Variants in KCNK9 observed in about 807,000 individuals in gnomAD.
KCNK9 encodes the protein potassium two pore domain channel subfamily K member 9.
In KCNK9, 1 loss-of-function variant was observed where a neutral mutation model predicts 10.8. That is an observed-to-expected ratio of 0.09 (90% CI 0.03 to 0.44). KCNK9 has a LOEUF of 0.44. Ranked by LOEUF, KCNK9 falls within the 20% of genes least tolerant of loss-of-function variation. The pLI is 0.97. For missense variants in KCNK9, 303 were observed against 515.0 expected (o/e 0.59, Z 3.98); for synonymous variants, 231 against 222.7 (o/e 1.04, Z -0.33).
At chr8:139,671,715 G>A (rs1816431420) in intron 1 of KCNK9, among the ~76,000 whole-genome samples, 1 of 151,932 alleles carries the variant, frequency 6.6e-6, no homozygotes, top group South Asian at 2.1e-4. Flanking sequence ...GAATGTAATT[G>A]TTTTTTGTAT....
At chr8:139,605,183 G>GC (rs1263473180) in intron 2 of KCNK9, among the ~76,000 whole-genome samples, 1 of 152,204 alleles carries the variant, frequency 6.6e-6, no homozygotes, top group Non-Finnish European at 1.5e-5. Flanking sequence ...GTGGAAAAGG[G>GC]CAGCATGGTT....
chr8:139,619,093 C>A lies in KCNK9; in HGVS notation c.290G>T (p.Gly97Val). ...CGCATCGGTGCCAGGTGCAGCGTGC[C>A]CATAACCTGTGGGAAGGGGATGAGA... ...AITVITTIGY[G>V]HAAPGTDAGK... Residue 97 changes from glycine to valine, a missense_variant, in exon 2 of 2, where the codon GGG becomes GTG. Physicochemically the swap from Gly to Val is moderately radical, Grantham distance 109. Coordinates refer to ENST00000520439, the MANE Select transcript of KCNK9 (RefSeq NM_001282534.2). 6.2e-7 allele frequency: 1 copy of A among 1,613,892 alleles called. No homozygotes were observed. Among genetic ancestry groups the A allele is most frequent in the Non-Finnish European group, 8.5e-7 (1 of 1,179,978 alleles).
intron 1 of KCNK9, among the ~76,000 whole-genome samples, chr8:139,694,724 C>T (rs35617511): frequency 1.3e-5 from 2 of 152,128 alleles, no homozygotes; most frequent in Admixed American, 6.5e-5. Flanking sequence ...CCACCCTCCT[C>T]TACTCCAGCC....
At chr8:139,671,672 C>A (rs1816430104) in intron 1 of KCNK9, among the ~76,000 whole-genome samples, 1 of 152,144 alleles carries the variant, frequency 6.6e-6, no homozygotes, top group South Asian at 2.1e-4. Context: ...CACGTGTTCA[C>A]CACAGCTGGC....
chr8:139,603,330 G>A (rs548154615), intron 2 of KCNK9, among the ~76,000 whole-genome samples: 7 of 152,298 alleles, frequency 4.6e-5, no homozygotes, highest in African/African-American at 9.6e-5. Context: ...AGGGGAAGGC[G>A]CTGTTGTGGG....
chr8:139,685,180 A>C (rs1260503409), intron 1 of KCNK9, among the ~76,000 whole-genome samples: 1 of 152,196 alleles, frequency 6.6e-6, no homozygotes, highest in Admixed American at 6.5e-5. Flanking sequence ...TACAAAGAAA[A>C]AGTCCTGTAA....
At chr8:139,655,502 G>A (rs1356464141) in intron 1 of KCNK9, among the ~76,000 whole-genome samples, 2 of 152,144 alleles carry the variant, frequency 1.3e-5, no homozygotes, top group Admixed American at 6.5e-5. Context: ...CCCCCATCAG[G>A]TCCAGGTGAA....
chr8:139,684,074 C>T (rs1202857417), intron 1 of KCNK9, among the ~76,000 whole-genome samples: 1 of 152,204 alleles, frequency 6.6e-6, no homozygotes, highest in Non-Finnish European at 1.5e-5. Flanking sequence ...AAGCCCAGGT[C>T]CCAGGTGGTC....
At chr8:139,647,955 G>A (rs1357852196) in intron 1 of KCNK9, among the ~76,000 whole-genome samples, 1 of 152,136 alleles carries the variant, frequency 6.6e-6, no homozygotes, top group African/African-American at 2.4e-5. Context: ...CCAAAGAAAT[G>A]GAAAACAGGA....
At position 139,693,739 on chromosome 8, in the gene KCNK9, C is replaced by A. The variant is rs550884391; in HGVS notation, c.283+8971G>T. The stretch of plus-strand genomic sequence containing the variant: ...AGAAGGTGTGGGAACAGGGCCTGAG[C>A]GGGGCTGGAGGATGAAAAGGGCTGC... On this transcript the variant is annotated intron_variant, in intron 1 of 1. Coordinates refer to ENST00000520439, the MANE Select transcript of KCNK9 (RefSeq NM_001282534.2). The surrounding 1 kb of genome is among the most constrained non-coding windows in gnomAD (Gnocchi z 4.1). 6.6e-6 allele frequency among the ~76,000 whole-genome samples: 1 copy of A among 151,940 alleles called. No individual in the cohort carries two copies. The highest frequency in any genetic ancestry group is 1.5e-5 in the Non-Finnish European group (1 of 67,990).
At chr8:139,608,397 T>C (rs1421199290), downstream of KCNK9, among the ~76,000 whole-genome samples, 1 of 152,146 alleles carries the variant, frequency 6.6e-6, no homozygotes, top group Non-Finnish European at 1.5e-5. Context: ...TCCAGAACAG[T>C]CCTGTTCTCC....
chr8:139,652,383 C>G (rs916143772), intron 1 of KCNK9, among the ~76,000 whole-genome samples: 2 of 152,240 alleles, frequency 1.3e-5, no homozygotes, highest in Non-Finnish European at 2.9e-5. Flanking sequence ...CTGAGCCCAT[C>G]ATGGCTCTGG....
At chr8:139,635,493 C>A (rs1257654689) in intron 1 of KCNK9, among the ~76,000 whole-genome samples, 1 of 152,228 alleles carries the variant, frequency 6.6e-6, no homozygotes, top group Non-Finnish European at 1.5e-5. Flanking sequence ...GTGAGCCCAC[C>A]TCATGTATCA....
rs187426618 is a variant in KCNK9, at chr8:139,702,956, C to A, written c.37G>T (p.Val13Phe). ...RQNVRTLSLIVCTFTYLLVGA... is the reference protein window; with the variant it reads ...RQNVRTLSLIFCTFTYLLVGA... The stretch of plus-strand genomic sequence containing the variant: ...ACCAGCAGGTAGGTGAAGGTGCAGA[C>A]GATGAGGGACAGAGTCCGCACGTTC... Residue 13 changes from valine (V) to phenylalanine (F), a missense_variant, in exon 1 of 2, where the codon GTC becomes TTC. Val to Phe is a conservative substitution (Grantham distance 50, BLOSUM62 -1). This residue lies in a region of KCNK9 where 58 missense variants were observed against 102.4 expected (regional missense o/e 0.57). Coordinates refer to ENST00000520439, the MANE Select transcript of KCNK9 (RefSeq NM_001282534.2). The surrounding 1 kb of genome is among the most constrained non-coding windows in gnomAD (Gnocchi z 7.5). 4.4e-6 allele frequency: 7 copies of A among 1,607,326 alleles called. No individual in the cohort carries two copies. Among genetic ancestry groups the A allele is most frequent in the South Asian group, 1.1e-5 (1 of 90,022 alleles).
At chr8:139,634,217 C>G (rs1232862307) in intron 1 of KCNK9, among the ~76,000 whole-genome samples, 1 of 152,230 alleles carries the variant, frequency 6.6e-6, no homozygotes, top group African/African-American at 2.4e-5. Context: ...GTAAGTGCCA[C>G]TCATGGGGAA....
intron 1 of KCNK9, among the ~76,000 whole-genome samples, chr8:139,696,325 C>G (rs1817050856): frequency 6.6e-6 from 1 of 152,182 alleles, no homozygotes; most frequent in African/African-American, 2.4e-5. Flanking sequence ...TATGAGAATT[C>G]ACTGAGCAAT....
chr8:139,630,864 A>C (rs1586645769), intron 1 of KCNK9, among the ~76,000 whole-genome samples: 2 of 152,024 alleles, frequency 1.3e-5, no homozygotes, highest in Non-Finnish European at 2.9e-5. Context: ...CTGCAATCAC[A>C]CTCTTGCGAG....
At chr8:139,652,666 A>G (rs1815903831) in intron 1 of KCNK9, among the ~76,000 whole-genome samples, 1 of 152,228 alleles carries the variant, frequency 6.6e-6, no homozygotes, top group African/African-American at 2.4e-5. Context: ...TGGGGGAAAT[A>G]CGGACCTTAA....
intron 1 of KCNK9, among the ~76,000 whole-genome samples, chr8:139,660,644 T>A (rs950726537): frequency 2.6e-5 from 4 of 151,680 alleles, no homozygotes; most frequent in Admixed American, 1.3e-4. Flanking sequence ...ATAAAAAAAA[T>A]AAATCTGGAT....
Sources: gnomAD v4.1 joint callset for allele counts (sites outside exome capture counted in the v4.1 genomes callset) on GRCh38, gnomAD v4.1.1 for gene constraint, gnomAD v4.1.1 regional missense constraint, Gnocchi (gnomAD v3.1) non-coding constraint, MANE v1.5 for transcripts, NCBI Gene and HGNC (gene_info 2026-07-23, HGNC 2026-07-21) for gene names.